The following SUMF1 variants were observed in gnomAD, a reference collection of about 807,000 sequenced individuals.
SUMF1 encodes the protein formylglycine-generating enzyme.
SUMF1 carries 48 observed loss-of-function variants against 47.6 expected under a neutral mutation model. That is an observed-to-expected ratio of 1.01 (90% CI 0.80 to 1.28). The LOEUF (loss-of-function observed/expected upper bound fraction) is 1.28. Ranked by LOEUF, SUMF1 falls within the 50% of genes most tolerant of loss-of-function variation. The pLI is 0.00. For synonymous variants in SUMF1, 230 were observed against 192.1 expected (o/e 1.20, Z -1.63); for missense variants, 571 against 485.4 (o/e 1.18, Z -1.66).
intron 8 of SUMF1, among the ~76,000 whole-genome samples, chr3:4,330,003 A>G (rs1410875281): frequency 6.6e-6 from 1 of 152,328 alleles, no homozygotes; most frequent in South Asian, 2.1e-4. Flanking sequence ...ATGCAGGGTC[A>G]AAATGCCACT....
chr3:4,326,537 A>ATTTTTTTTTTTTTT (rs1394823444), intron 8 of SUMF1, among the ~76,000 whole-genome samples: 2 of 62,464 alleles, frequency 3.2e-5, no homozygotes, highest in Non-Finnish European at 5.6e-5. Flanking sequence ...TTTTTTTTTG[A>ATTTTTTTTTTTTTT]GATAGATCCT....
chr3:4,443,749 A>G (rs1331551203), intron 3 of SUMF1, among the ~76,000 whole-genome samples: 1 of 152,192 alleles, frequency 6.6e-6, no homozygotes, highest in Non-Finnish European at 1.5e-5. Context: ...AGTGTGACAC[A>G]GCAAGACCCC....
At chr3:4,284,289 G>A (rs1481707648) in intron 8 of SUMF1, among the ~76,000 whole-genome samples, 1 of 151,918 alleles carries the variant, frequency 6.6e-6, no homozygotes, top group Non-Finnish European at 1.5e-5. Context: ...GCACGTGCCA[G>A]TAGTGCCAGC....
chr3:4,389,330 T>C (rs1157768131), intron 7 of SUMF1, among the ~76,000 whole-genome samples: 2 of 139,048 alleles, frequency 1.4e-5, no homozygotes, highest in African/African-American at 3.2e-5. Context: ...GTCATTCAAA[T>C]TGTTTTTTTT....
At chr3:4,281,781 G>T (rs1697535092) in intron 8 of SUMF1, among the ~76,000 whole-genome samples, 1 of 152,054 alleles carries the variant, frequency 6.6e-6, no homozygotes, top group Admixed American at 6.5e-5. Flanking sequence ...TTACCTGGAG[G>T]GTAGAGTGGA....
At chr3:4,122,072 T>C (rs1158304626) in intron 8 of SUMF1, among the ~76,000 whole-genome samples, 1 of 152,180 alleles carries the variant, frequency 6.6e-6, no homozygotes, top group Non-Finnish European at 1.5e-5. Flanking sequence ...CTGCATGGTA[T>C]TCTATGATGT....
chr3:4,456,862 GTGTGTGTATATCTATATGTGTGTGTA>G (rs1559312763), intron 1 of SUMF1, among the ~76,000 whole-genome samples: 3 of 12,578 alleles, frequency 2.4e-4, no homozygotes, highest in African/African-American at 6.1e-4. Context: ...GTATATATAT[GTGTGTGTATATCTATATGTGTGTGTA>G]TATATATGTG....
intron 8 of SUMF1, among the ~76,000 whole-genome samples, chr3:4,331,016 T>C (rs550429106): frequency 2.6e-5 from 4 of 152,324 alleles, no homozygotes; most frequent in African/African-American, 9.6e-5. Flanking sequence ...ATTTACTGTA[T>C]AGAAAAAGTA....
chr3:4,075,148 C>G (rs889552319), intron 8 of SUMF1, among the ~76,000 whole-genome samples: 1 of 150,220 alleles, frequency 6.7e-6, no homozygotes, highest in African/African-American at 2.4e-5. Flanking sequence ...TTATCCACCA[C>G]CAAGTCGGCT....
At chr3:4,189,021 T>G (rs540897447) in intron 8 of SUMF1, among the ~76,000 whole-genome samples, 63 of 152,292 alleles carry the variant, frequency 4.1e-4, no homozygotes, top group African/African-American at 1.3e-3. Context: ...TTCTAGCTCA[T>G]ATTCTATAGT....
chr3:4,055,989 C>T (rs536835526), intron 9 of SUMF1, among the ~76,000 whole-genome samples: 1 of 152,268 alleles, frequency 6.6e-6, no homozygotes, highest in East Asian at 1.9e-4. Flanking sequence ...CCTGATGCTG[C>T]CATCTCTCTG....
chr3:4,336,997 A>C (rs144710901), intron 8 of SUMF1, among the ~76,000 whole-genome samples: 1 of 152,228 alleles, frequency 6.6e-6, no homozygotes, highest in Non-Finnish European at 1.5e-5. Flanking sequence ...CACGAATTCC[A>C]ACTCTACATG....
At chr3:4,247,389 C>T (rs1011909329) in intron 8 of SUMF1, among the ~76,000 whole-genome samples, 1 of 152,148 alleles carries the variant, frequency 6.6e-6, no homozygotes, top group Non-Finnish European at 1.5e-5. Context: ...CCCCATATTA[C>T]CAATAAACAT....
At chr3:4,430,237 A>G (rs1702191432) in intron 3 of SUMF1, among the ~76,000 whole-genome samples, 1 of 152,212 alleles carries the variant, frequency 6.6e-6, no homozygotes, top group Admixed American at 6.5e-5. Flanking sequence ...AGTAGTTAGG[A>G]AAGCACTGGG....
At chr3:4,167,520 T>C (rs1439462352) in intron 8 of SUMF1, among the ~76,000 whole-genome samples, 1 of 152,186 alleles carries the variant, frequency 6.6e-6, no homozygotes, top group Non-Finnish European at 1.5e-5. Context: ...TCTCACTCCC[T>C]ACAGAGCACT....
intron 8 of SUMF1, among the ~76,000 whole-genome samples, chr3:4,283,615 G>GCA (rs1697572566): frequency 6.6e-6 from 1 of 152,154 alleles, no homozygotes; most frequent in Non-Finnish European, 1.5e-5. Flanking sequence ...ATGGCCAACA[G>GCA]TATATATAGG....
chr3:4,175,602 T>C (rs1694941230), intron 8 of SUMF1, among the ~76,000 whole-genome samples: 1 of 151,884 alleles, frequency 6.6e-6, no homozygotes, highest in East Asian at 1.9e-4. Flanking sequence ...GCAGAAAAGC[T>C]CAAAATTCTA....
At chr3:4,088,011 A>G (rs1692706827) in intron 8 of SUMF1, among the ~76,000 whole-genome samples, 2 of 152,120 alleles carry the variant, frequency 1.3e-5, no homozygotes, top group South Asian at 4.1e-4. Flanking sequence ...AGAAGGTGTA[A>G]TACAATTTTT....
intron 1 of SUMF1, among the ~76,000 whole-genome samples, chr3:4,453,501 G>A (rs1703047872): frequency 6.6e-6 from 1 of 151,664 alleles, no homozygotes; most frequent in Admixed American, 6.6e-5. Flanking sequence ...TCAAACAGCT[G>A]GAGTACAGAC....
Sources: gnomAD v4.1 joint callset for allele counts (sites outside exome capture counted in the v4.1 genomes callset) on GRCh38, gnomAD v4.1.1 for gene constraint, MANE v1.5 for transcripts, NCBI Gene and HGNC (gene_info 2026-07-23, HGNC 2026-07-21) for gene names.